RBFOX1: variants seen among roughly 807,000 people sequenced by gnomAD.
RBFOX1 encodes RNA binding fox-1 homolog 1, also known as RNA binding protein fox-1 homolog 1.
In RBFOX1, 8 loss-of-function variants were observed where a neutral mutation model predicts 57.7. The observed-to-expected ratio is 0.14, with a 90% CI of 0.08 to 0.25. RBFOX1 has a LOEUF of 0.25. Among genes scored for constraint, RBFOX1 ranks in the 10% least tolerant of loss-of-function variants. RBFOX1 has a pLI of 1.00. For missense variants in RBFOX1, 611 were observed against 548.5 expected (o/e 1.11, Z -1.14); for synonymous variants, 326 against 222.4 (o/e 1.47, Z -4.15).
chr16:5,907,429 C>T (rs747594124), intron 4 of RBFOX1, among the ~76,000 whole-genome samples: 4 of 152,104 alleles, frequency 2.6e-5, no homozygotes, highest in African/African-American at 4.8e-5. Context: ...GAGCACGTTG[C>T]ACCTTTGTGA....
Position 6,274,010 on chromosome 16 carries a change from T to C in RBFOX1, c.-126-42985T>C, listed in dbSNP as rs145371706. On this transcript the variant is annotated intron_variant, in intron 1 of 15. Transcript: ENST00000550418. ...CTGCAGTGTGGTATCAGTGCACACC[T>C]ATCAGAAGGGCTAAAACTAAAACAG... Among the ~76,000 whole-genome samples the C allele has an allele frequency of 3.0e-4, 46 of 152,306 alleles. 1 individual carries two copies. In the East Asian group the frequency reaches 8.5e-3, roughly 28 times the overall value.
intron 3 of RBFOX1, among the ~76,000 whole-genome samples, chr16:6,670,747 C>T (rs952764954): frequency 2.0e-5 from 3 of 152,044 alleles, no homozygotes; most frequent in South Asian, 2.1e-4. Flanking sequence ...CCTGTAATCC[C>T]AGCACTCTGG....
chr16:7,113,317 C>T (rs988715992), intron 4 of RBFOX1, among the ~76,000 whole-genome samples: 2 of 151,948 alleles, frequency 1.3e-5, no homozygotes, highest in Admixed American at 6.6e-5. Flanking sequence ...TTTTTTTGGA[C>T]TTTGAGGACT....
At position 6,019,415 on chromosome 16, in the gene RBFOX1, G is replaced by A. The variant is rs1246729609; in HGVS notation, c.-704G>A. ...CCAAGCAGCGCGGAGGGTGGCGGAC[G>A]GCGGACGGAGCCCAGGGGCCGCGTC... is the stretch of plus-strand genomic sequence containing the variant. On this transcript the variant is annotated 5_prime_UTR_variant, in exon 1 of 16. Coordinates refer to ENST00000550418, the MANE Select transcript of RBFOX1 (RefSeq NM_018723.4). The surrounding 1 kb of genome is among the most constrained non-coding windows in gnomAD (Gnocchi z 4.2). 1 of 986,850 alleles carries A rather than the reference G, an allele frequency of 1.0e-6. No individual in the cohort carries two copies. Among genetic ancestry groups the A allele is most frequent in the Non-Finnish European group, 1.2e-6 (1 of 831,170 alleles). The allele number at this position is 986,850 out of a possible 1,614,324, so 61.1% of individuals were successfully genotyped here.
intron 4 of RBFOX1, among the ~76,000 whole-genome samples, chr16:7,165,229 C>G (rs968740380): frequency 6.6e-6 from 1 of 151,976 alleles, no homozygotes; most frequent in African/African-American, 2.4e-5. Flanking sequence ...GTGTGACATG[C>G]AGTCGTGAGG....
intron 4 of RBFOX1, among the ~76,000 whole-genome samples, chr16:7,261,085 T>C (rs78615185): frequency 6.6e-6 from 1 of 152,052 alleles, no homozygotes; most frequent in Non-Finnish European, 1.5e-5. Flanking sequence ...ATAAAGGAAT[T>C]TGGAGGGACA....
chr16:5,639,656 C>T (rs1311417231), intron 3 of RBFOX1, among the ~76,000 whole-genome samples: 1 of 152,182 alleles, frequency 6.6e-6, no homozygotes, highest in African/African-American at 2.4e-5. Context: ...TGCTGTCTCT[C>T]TCTTTCAGCC....
intron 3 of RBFOX1, among the ~76,000 whole-genome samples, chr16:6,900,046 C>G (rs763203583): frequency 6.6e-6 from 1 of 152,030 alleles, no homozygotes; most frequent in Non-Finnish European, 1.5e-5. Context: ...CTAGGGTTGT[C>G]GGGAGGATTA....
At chr16:7,215,678 G>A (rs1441226283) in intron 4 of RBFOX1, among the ~76,000 whole-genome samples, 2 of 151,406 alleles carry the variant, frequency 1.3e-5, no homozygotes, top group Non-Finnish European at 2.9e-5. Context: ...CCCAATGCTA[G>A]GCCACCACTA....
rs1280433201 is a variant in RBFOX1 at position 6,804,700 on chromosome 16, A to G, written c.-16+150050A>G. Among the ~76,000 whole-genome samples, 3 of 152,294 alleles carry G rather than the reference A, an allele frequency of 2.0e-5. No homozygotes were observed. In the South Asian group the frequency reaches 6.2e-4, roughly 32 times the overall value. On this transcript the variant is annotated intron_variant, in intron 3 of 15. Coordinates refer to ENST00000550418, the MANE Select transcript of RBFOX1 (RefSeq NM_018723.4). The stretch of plus-strand genomic sequence containing the variant: ...TAAAGAATAAGAGTGCTGACCTCAC[A>G]CATGACTGGGGCAGAACAGGGTACT...
chr16:7,407,373 G>GGGGTGTGTGTGTGTGT (rs1011842452), intron 4 of RBFOX1, among the ~76,000 whole-genome samples: 3 of 149,556 alleles, frequency 2.0e-5, no homozygotes, highest in African/African-American at 7.4e-5. Flanking sequence ...GATTTGTATG[G>GGGGTGTGTGTGTGTGT]GTGTGTGTGT....
chr16:7,705,966 A>G (rs1004061610), intron 14 of RBFOX1, among the ~76,000 whole-genome samples: 2 of 152,132 alleles, frequency 1.3e-5, no homozygotes, highest in African/African-American at 4.8e-5. Flanking sequence ...GGATGACCAT[A>G]TAGCTGGTCG....
chr16:6,890,258 C>T lies in RBFOX1; in HGVS notation c.-15-161799C>T, dbSNP rs376803869. Among the ~76,000 whole-genome samples, 11 of 152,256 alleles carry T rather than the reference C, an allele frequency of 7.2e-5. 2 individuals are homozygous for T. Among genetic ancestry groups the T allele is most frequent in the East Asian group, 3.9e-4 (2 of 5,174 alleles). On this transcript the variant is annotated intron_variant, in intron 3 of 15. Transcript: ENST00000550418. ...AGGAGGGTGGGCATGGTAGCTCATG[C>T]CTGTAATCCTGGCACTTTGGGAGGC...
chr16:6,630,635 G>A (rs998356199), intron 2 of RBFOX1, among the ~76,000 whole-genome samples: 3 of 152,086 alleles, frequency 2.0e-5, no homozygotes, highest in South Asian at 4.2e-4. Context: ...CCCAATTTGG[G>A]CCCAGAACTA....
chr16:6,031,402 C>T (rs1001811144), intron 1 of RBFOX1, among the ~76,000 whole-genome samples: 1 of 152,164 alleles, frequency 6.6e-6, no homozygotes, highest in Non-Finnish European at 1.5e-5. Flanking sequence ...AGCCTGTGCC[C>T]TGTGTTATTT....
chr16:7,358,484 G>A (rs1418857831), intron 4 of RBFOX1, among the ~76,000 whole-genome samples: 8 of 152,056 alleles, frequency 5.3e-5, no homozygotes, highest in South Asian at 4.1e-4. Flanking sequence ...GCAGCGGCGC[G>A]ATCTCAGCTC....
intron 4 of RBFOX1, among the ~76,000 whole-genome samples, chr16:7,398,194 G>A (rs769882194): frequency 1.3e-5 from 2 of 152,180 alleles, no homozygotes; most frequent in Non-Finnish European, 2.9e-5. Context: ...TGCCTCAGAC[G>A]CTTATGCTTA....
chr16:6,357,655 A>C (rs2087612770), intron 2 of RBFOX1, among the ~76,000 whole-genome samples: 1 of 151,696 alleles, frequency 6.6e-6, no homozygotes, highest in African/African-American at 2.4e-5. Context: ...TGAGTTCTCT[A>C]CTGAGAGCTG....
At chr16:6,268,140 C>T (rs1026917940) in intron 1 of RBFOX1, among the ~76,000 whole-genome samples, 1 of 152,180 alleles carries the variant, frequency 6.6e-6, no homozygotes, top group African/African-American at 2.4e-5. Flanking sequence ...GAGGGCAGAG[C>T]ATGTTCTTCC....
Sources: allele counts gnomAD v4.1 joint callset (sites outside exome capture counted in the v4.1 genomes callset), GRCh38; gene constraint gnomAD v4.1.1; non-coding constraint Gnocchi (gnomAD v3.1); transcripts MANE v1.5; gene names NCBI Gene and HGNC (gene_info 2026-07-23, HGNC 2026-07-21).